LAT2: variants seen among roughly 807,000 people sequenced by gnomAD.
LAT2 encodes linker for activation of T-cells family member 2.
In LAT2, 23 loss-of-function variants were observed where a neutral mutation model predicts 43.4. The ratio of observed to expected loss-of-function variants is 0.53; its 90% CI spans 0.38 to 0.75. The LOEUF is 0.75. LAT2 is among the 30% of genes least tolerant of loss of function. LAT2 has a pLI of 0.00. For missense variants in LAT2, 284 were observed against 310.2 expected, an observed-to-expected ratio of 0.92 and a Z score of 0.64; for synonymous variants, 128 against 123.2, an observed-to-expected ratio of 1.04 and a Z score of -0.26.
In LAT2 at chr7:74,220,667, C is replaced by A. The variant is rs200441260; in HGVS notation, c.302-37C>A. 4.2e-4 allele frequency: 676 copies of A among 1,613,536 alleles called. No homozygotes were observed. The highest frequency in any genetic ancestry group is 5.6e-4 in the Non-Finnish European group (657 of 1,179,750). ...GGGGAGGCCATGGTGGGGGCCACAC[C>A]CAGGGGCTCAGGCCCAATTCTCGCC... On this transcript the variant is annotated intron_variant, in intron 8 of 13. Coordinates refer to ENST00000460943, the MANE Select transcript of LAT2 (RefSeq NM_032464.3). The surrounding 1 kb of genome is among the most constrained non-coding windows in gnomAD (Gnocchi z 4.5).
rs1554713423 is a variant in LAT2, at chr7:74,213,420, C to CT, written c.-218-1402_-218-1401insT. On this transcript the variant is annotated intron_variant, in intron 1 of 13. Transcript: ENST00000460943. ...ACAGGCATGAGCCACTGTGCCCGGCCATTTTTTTTTTTTTTTTTTTTTGAG... is the reference window on the plus strand; with the variant it reads ...ACAGGCATGAGCCACTGTGCCCGGCCTATTTTTTTTTTTTTTTTTTTTTGAG... Among the ~76,000 whole-genome samples, 137 of 136,282 alleles carry CT rather than the reference C, an allele frequency of 1.0e-3. 2 individuals carry two copies. The highest frequency in any genetic ancestry group is 2.4e-3 in the South Asian group (10 of 4,166). 89.4% of individuals were successfully genotyped at this position (136,282 alleles called of 152,430 possible). A position where few individuals can be genotyped will look rare whatever the true frequency, so the allele number is the denominator to read the frequency against.
chr7:74,216,945 A>G, intron 4 of LAT2, 81 bp downstream of exon 4: 1 of 1,211,918 alleles, frequency 8.3e-7, no homozygotes, highest in East Asian at 2.4e-5. Context: ...CTAGCACCCC[A>G]TCCTTCACCC....
intron 1 of LAT2, among the ~76,000 whole-genome samples, chr7:74,214,445 AAT>A (rs61655546): frequency 1.7e-5 from 1 of 58,916 alleles, no homozygotes; most frequent in African/African-American, 6.6e-5. Flanking sequence ...TATATATATA[AAT>A]ATATATATGA....
At chr7:74,215,629 C>T (rs1332090648) in intron 2 of LAT2, among the ~76,000 whole-genome samples, 1 of 152,170 alleles carries the variant, frequency 6.6e-6, no homozygotes, top group Non-Finnish European at 1.5e-5. Context: ...TGCAGTGAAC[C>T]TCGTCCTCAA....
intron 4 of LAT2, among the ~76,000 whole-genome samples, chr7:74,219,006 G>C (rs1802148656): frequency 8.4e-6 from 1 of 118,860 alleles, no homozygotes; most frequent in Non-Finnish European, 1.7e-5. Flanking sequence ...TCTAGAGTGT[G>C]TGCTTTTTTT....
At chr7:74,219,631 C>T in intron 4 of LAT2, 113 bp from the exon 5 acceptor site, 7 of 1,290,778 alleles carry the variant, frequency 5.4e-6, no homozygotes, top group South Asian at 1.2e-5. Context: ...ACTGTCGCCC[C>T]AGTCCGTCCC....
chr7:74,220,493 A>G lies in LAT2; in HGVS notation c.266-91A>G. The G allele has an allele frequency of 5.2e-6, 8 of 1,531,846 alleles. No homozygotes were observed. Among genetic ancestry groups the G allele is most frequent in the Non-Finnish European group, 7.2e-6 (8 of 1,111,516 alleles). The allele number at this position is 1,531,846 out of a possible 1,614,324, so 94.9% of individuals were successfully genotyped here. A position where few individuals can be genotyped will look rare whatever the true frequency, so the allele number is the denominator to read the frequency against. On this transcript the variant is annotated intron_variant, in intron 7 of 13. Coordinates refer to ENST00000460943, the MANE Select transcript of LAT2 (RefSeq NM_032464.3). The surrounding 1 kb of genome is among the most constrained non-coding windows in gnomAD (Gnocchi z 4.5). ...AGCACTGCAAAGGCTCAGACACGGG[A>G]AATAGCTGGCCCTGCCTTGGGCTGC...
rs1267787649 is a variant in LAT2, at chr7:74,214,147, TATAA to T, written c.-218-671_-218-668del. On this transcript the variant is annotated intron_variant, in intron 1 of 13. Transcript: ENST00000460943. ...ATATAAATATATATATGAAAATATA[TATAA>T]ATATATATATGAAAATATATATATG... Among the ~76,000 whole-genome samples the T allele has an allele frequency of 6.4e-4, 67 of 105,030 alleles. 6 individuals are homozygous for T. Among genetic ancestry groups the T allele is most frequent in the African/African-American group, 2.7e-3 (61 of 22,338 alleles). 68.9% of individuals were successfully genotyped at this position (105,030 alleles called of 152,430 possible).
At chr7:74,211,937 T>G (rs1330779915) in intron 1 of LAT2, among the ~76,000 whole-genome samples, 5 of 150,792 alleles carry the variant, frequency 3.3e-5, no homozygotes, top group Admixed American at 6.8e-5. Flanking sequence ...CATGACTGTT[T>G]GTTAAATTTC....
rs567869295 is a variant in LAT2 at position 74,214,900 on chromosome 7, C to G, written c.-140C>G. On this transcript the variant is annotated 5_prime_UTR_variant, in exon 2 of 14. Transcript: ENST00000460943. ...GATCCTCCCTGCCTCGGCCTCCCAACGTGCTGGGATTATAGGCGTGAGCCA... is the reference window on the plus strand; with the variant it reads ...GATCCTCCCTGCCTCGGCCTCCCAAGGTGCTGGGATTATAGGCGTGAGCCA... 1 of 146,720 alleles carries G rather than the reference C, an allele frequency of 6.8e-6. No individual in the cohort carries two copies. The highest frequency in any genetic ancestry group is 1.5e-5 in the Non-Finnish European group (1 of 67,450). 9.1% of individuals were successfully genotyped at this position (146,720 alleles called of 1,614,324 possible). A position where few individuals can be genotyped will look rare whatever the true frequency, so the allele number is the denominator to read the frequency against.
At chr7:74,214,073 A>AAT (rs1164715723) in intron 1 of LAT2, among the ~76,000 whole-genome samples, 8 of 127,986 alleles carry the variant, frequency 6.3e-5, no homozygotes, top group Non-Finnish European at 1.3e-4. Context: ...AATATATATA[A>AAT]ATATATATAT....
At chr7:74,216,894 G>T in intron 4 of LAT2, 30 bp downstream of exon 4, 1 of 1,600,234 alleles carries the variant, frequency 6.2e-7, no homozygotes, top group Non-Finnish European at 8.6e-7. Context: ...CTAGCCTGGT[G>T]TATTCATGTG....
At chr7:74,227,789 T>C (rs532322782) in intron 13 of LAT2, among the ~76,000 whole-genome samples, 1 of 151,910 alleles carries the variant, frequency 6.6e-6, no homozygotes, top group African/African-American at 2.4e-5. Flanking sequence ...GGAGGATAGC[T>C]TGAGTCTAGG....
At chr7:74,218,143 G>A (rs1802110407) in intron 4 of LAT2, among the ~76,000 whole-genome samples, 1 of 152,162 alleles carries the variant, frequency 6.6e-6, no homozygotes, top group African/African-American at 2.4e-5. Flanking sequence ...GAGGGGAGCT[G>A]TTTGGTCTTC....
intron 3 of LAT2, among the ~76,000 whole-genome samples, chr7:74,216,285 ATTG>A (rs1379976978): frequency 6.6e-6 from 1 of 151,490 alleles, no homozygotes; most frequent in Non-Finnish European, 1.5e-5. Flanking sequence ...AGCCAGAGAG[ATTG>A]CCCCAGACGA....
intron 10 of LAT2, 91 bp from the exon 11 acceptor site, chr7:74,223,633 C>CT: frequency 7.8e-7 from 1 of 1,274,774 alleles, no homozygotes; most frequent in Non-Finnish European, 1.1e-6. Flanking sequence ...AAGAGGTCCC[C>CT]TGCAAAGGGA....
chr7:74,219,756 A>G lies in LAT2; in HGVS notation c.147A>G (p.Gln49=). ...IYQQRSLRED[Q]QSFTGSRTYS... The stretch of plus-strand genomic sequence containing the variant: ...CATGCATTTCCAGGCGTGAGGACCA[A>G]CAGAGCTTTACGGGGTCCCGGACCT... Residue 49 remains glutamine, a synonymous_variant, in exon 5 of 14, where the codon CAA becomes CAG. Transcript: ENST00000460943. 6.2e-7 allele frequency: 1 copy of G among 1,614,084 alleles called. No homozygotes were observed. The highest frequency in any genetic ancestry group is 8.5e-7 in the Non-Finnish European group (1 of 1,180,006).
intron 4 of LAT2, among the ~76,000 whole-genome samples, chr7:74,218,057 C>A (rs1802106016): frequency 6.6e-6 from 1 of 152,154 alleles, no homozygotes; most frequent in Non-Finnish European, 1.5e-5. Flanking sequence ...TCAGGCCCTG[C>A]CCACCCCCAG....
Position 74,224,640 on chromosome 7 carries a change from G to A in LAT2, c.630G>A (p.Gly210=), listed in dbSNP as rs1216886764. 3.8e-6 allele frequency: 6 copies of A among 1,596,822 alleles called. No individual in the cohort carries two copies. The highest frequency in any genetic ancestry group is 5.1e-6 in the Non-Finnish European group (6 of 1,171,928). ...ACCTGTCTGCCCGCTGGTCCACAGG[G>A]CAACTCCAGAGAGAAGCATCCCCTG... ...HQWRESRKVM[G]QLQREASPGP... Residue 210 remains glycine (G), a splice_region_variant and synonymous_variant, in exon 13 of 14, where the codon GGG becomes GGA. Coordinates refer to ENST00000460943, the MANE Select transcript of LAT2 (RefSeq NM_032464.3).
Sources: allele counts gnomAD v4.1 joint callset (sites outside exome capture counted in the v4.1 genomes callset), GRCh38; gene constraint gnomAD v4.1.1; non-coding constraint Gnocchi (gnomAD v3.1); transcripts MANE v1.5; gene names NCBI Gene and HGNC (gene_info 2026-07-23, HGNC 2026-07-21).